Variants in ARMC9 observed in about 807,000 individuals in gnomAD.
The protein encoded by ARMC9 is lisH domain-containing protein ARMC9.
A neutral mutation model predicts 107.0 loss-of-function variants in ARMC9; 94 were observed. That is an observed-to-expected ratio of 0.88 (90% CI 0.74 to 1.04). ARMC9 has a LOEUF of 1.04. ARMC9 is among the 50% of genes least tolerant of loss of function. The probability of loss-of-function intolerance (pLI) is 0.00; values close to 1 mark genes in which losing one functional copy is unlikely to be tolerated. For synonymous variants in ARMC9, 380 were observed against 396.9 expected (o/e 0.96, Z 0.51); for missense variants, 942 against 1,030.1 (o/e 0.91, Z 1.17).
chr2:231,311,770 C>CA lies in ARMC9; in HGVS notation c.1773+15543dup, dbSNP rs56713732. 8.6e-3 allele frequency among the ~76,000 whole-genome samples: 520 copies of CA among 60,640 alleles called. 13 individuals are homozygous for CA. Among genetic ancestry groups the CA allele is most frequent in the African/African-American group, 0.013 (171 of 13,234 alleles). 39.8% of individuals were successfully genotyped at this position (60,640 alleles called of 152,430 possible). ...GGGTGACAAAGTAAGACTCCATCGCCAAAAAAAAAAAAAAAAAAAAAAAAA... is the reference window on the plus strand; with the variant it reads ...GGGTGACAAAGTAAGACTCCATCGCCAAAAAAAAAAAAAAAAAAAAAAAAAA... On this transcript the variant is annotated intron_variant, in intron 19 of 24. Coordinates refer to ENST00000611582, the MANE Select transcript of ARMC9 (RefSeq NM_001352754.2).
chr2:231,259,120 A>C lies in ARMC9; in HGVS notation c.1026+18A>C. The C allele has an allele frequency of 6.3e-7, 1 of 1,597,300 alleles. No homozygotes were observed. Among genetic ancestry groups the C allele is most frequent in the Non-Finnish European group, 8.6e-7 (1 of 1,166,894 alleles). On this transcript the variant is annotated intron_variant, in intron 11 of 24. Transcript: ENST00000611582. ...TGCGCTGGGTAGGTACCTTTGTCTT[A>C]AAGTTAGAAAACAAAACCAAACCAG...
At chr2:231,231,620 G>A (rs1172607815) in intron 7 of ARMC9, among the ~76,000 whole-genome samples, 2 of 151,940 alleles carry the variant, frequency 1.3e-5, no homozygotes, top group Non-Finnish European at 2.9e-5. Flanking sequence ...CTGGCTTCAA[G>A]CAATTCAATC....
At chr2:231,323,518 A>G (rs1376993721) in intron 19 of ARMC9, among the ~76,000 whole-genome samples, 1 of 152,064 alleles carries the variant, frequency 6.6e-6, no homozygotes, top group East Asian at 1.9e-4. Context: ...TCCCACCTCA[A>G]CTAGCGCAGC....
chr2:231,352,465 A>G (rs182830962), intron 21 of ARMC9, among the ~76,000 whole-genome samples: 1 of 150,752 alleles, frequency 6.6e-6, no homozygotes, highest in Non-Finnish European at 1.5e-5. Context: ...ACGCCCAGCT[A>G]ATTTTATTTT....
chr2:231,310,557 C>T (rs1323152707), intron 19 of ARMC9, among the ~76,000 whole-genome samples: 1 of 151,610 alleles, frequency 6.6e-6, no homozygotes, highest in Non-Finnish European at 1.5e-5. Flanking sequence ...ATGGAGAAAC[C>T]CCATCTCAAC....
chr2:231,267,480 C>G (rs2038955603), intron 12 of ARMC9, among the ~76,000 whole-genome samples: 2 of 152,236 alleles, frequency 1.3e-5, no homozygotes, highest in African/African-American at 4.8e-5. Context: ...ATCCGCCTGC[C>G]TCAGCCTCCC....
At chr2:231,265,996 T>TA (rs541194304) in intron 12 of ARMC9, among the ~76,000 whole-genome samples, 8,053 of 125,294 alleles carry the variant, frequency 0.064, 303 homozygotes, top group African/African-American at 0.13. Context: ...AGACGCCATC[T>TA]AAAAAAAAAA....
chr2:231,271,064 TGGCAGAAGGTGA>T lies in ARMC9; in HGVS notation c.1204_1210+5del, dbSNP rs1232994809. On this transcript the variant is annotated splice_donor_variant and splice_donor_region_variant and coding_sequence_variant and intron_variant, in exon 13 of 25. Transcript: ENST00000611582. LOFTEE classifies it high-confidence loss of function. ...AGGCTCATCAATGCTTTTGCGTCACTGGCAGAAGGTGAGACATCAGCTTTGCTTCAAAGATAA... is the reference window on the plus strand; with the variant it reads ...AGGCTCATCAATGCTTTTGCGTCACTGACATCAGCTTTGCTTCAAAGATAA... 3.3e-5 allele frequency: 54 copies of T among 1,614,022 alleles called. No individual in the cohort carries two copies. Among genetic ancestry groups the T allele is most frequent in the Non-Finnish European group, 4.4e-5 (52 of 1,180,016 alleles).
chr2:231,218,932 A>G (rs897139363), intron 5 of ARMC9, among the ~76,000 whole-genome samples: 9 of 152,000 alleles, frequency 5.9e-5, no homozygotes, highest in Non-Finnish European at 7.4e-5. Flanking sequence ...TTGTATTTTT[A>G]GTAGAGACGG....
At chr2:231,337,508 C>T (rs1189490094) in intron 20 of ARMC9, among the ~76,000 whole-genome samples, 166 of 111,808 alleles carry the variant, frequency 1.5e-3, no homozygotes, top group African/African-American at 2.0e-3. Context: ...CTCGCTCTGT[C>T]GCCCAGGCTG....
chr2:231,334,618 G>C (rs551977190), intron 20 of ARMC9, among the ~76,000 whole-genome samples: 2 of 152,268 alleles, frequency 1.3e-5, no homozygotes, highest in African/African-American at 4.8e-5. Flanking sequence ...GACCACACCA[G>C]GTCACCATAG....
At chr2:231,202,003 CTTTT>C (rs5839391) in intron 1 of ARMC9, among the ~76,000 whole-genome samples, 3 of 135,134 alleles carry the variant, frequency 2.2e-5, no homozygotes, top group Admixed American at 7.3e-5. Flanking sequence ...TTCTTTCTTT[CTTTT>C]TTTTTTTTTT....
At chr2:231,325,169 G>A (rs1023469139) in intron 19 of ARMC9, among the ~76,000 whole-genome samples, 2 of 152,166 alleles carry the variant, frequency 1.3e-5, no homozygotes, top group Non-Finnish European at 2.9e-5. Flanking sequence ...GGCTGCAATG[G>A]GGCCCTTGAT....
chr2:231,227,217 T>C (rs1433596902), intron 7 of ARMC9, among the ~76,000 whole-genome samples: 1 of 152,256 alleles, frequency 6.6e-6, no homozygotes, highest in Non-Finnish European at 1.5e-5. Flanking sequence ...CCCATTCTTA[T>C]CAAGCATTTT....
intron 19 of ARMC9, among the ~76,000 whole-genome samples, chr2:231,323,541 C>T (rs957886783): frequency 3.9e-5 from 6 of 152,144 alleles, no homozygotes; most frequent in African/African-American, 1.2e-4. Flanking sequence ...AGTTTGCTTC[C>T]GCTCTCTCCC....
At chr2:231,270,886 C>A in intron 12 of ARMC9, 96 bp from the exon 13 acceptor site, 1 of 984,952 alleles carries the variant, frequency 1.0e-6, no homozygotes. Flanking sequence ...CTAATAAATT[C>A]AGGCAGAGGA....
chr2:231,271,142 G>A, intron 13 of ARMC9, 70 bp downstream of exon 13: 3 of 1,458,720 alleles, frequency 2.1e-6, no homozygotes, highest in Non-Finnish European at 2.8e-6. Context: ...TTGAAAATGA[G>A]CGTTCCTCCC....
chr2:231,303,231 G>GTTGTT (rs58483943), intron 19 of ARMC9, among the ~76,000 whole-genome samples: 25 of 152,140 alleles, frequency 1.6e-4, no homozygotes, highest in South Asian at 6.2e-4. Context: ...GTTTGTTTGG[G>GTTGTT]TTGTTTTGTT....
chr2:231,239,100 G>T (rs1395754822), intron 8 of ARMC9, among the ~76,000 whole-genome samples: 1 of 152,228 alleles, frequency 6.6e-6, no homozygotes, highest in Non-Finnish European at 1.5e-5. Context: ...AGAAAAAAGT[G>T]TGGAAGGGTG....
Sources: gnomAD v4.1 joint callset for allele counts (sites outside exome capture counted in the v4.1 genomes callset) on GRCh38, gnomAD v4.1.1 for gene constraint, MANE v1.5 for transcripts, NCBI Gene and HGNC (gene_info 2026-07-23, HGNC 2026-07-21) for gene names.